PDXDC1: variants seen among roughly 807,000 people sequenced by gnomAD.
The protein encoded by PDXDC1 is pyridoxal-dependent decarboxylase domain-containing protein 1.
PDXDC1 carries 42 observed loss-of-function variants against 100.1 expected under a neutral mutation model. The ratio of observed to expected loss-of-function variants is 0.42; its 90% CI spans 0.33 to 0.54. The LOEUF is 0.54. Ranked by LOEUF, PDXDC1 falls within the 20% of genes least tolerant of loss-of-function variation. The pLI is 0.10. For missense variants in PDXDC1, 636 were observed against 979.2 expected, an observed-to-expected ratio of 0.65 and a Z score of 4.68; for synonymous variants, 260 against 371.7, an observed-to-expected ratio of 0.70 and a Z score of 3.46.
chr16:15,061,411 T>C (rs1300176628), intron 16 of PDXDC1: 1 of 279,922 alleles, frequency 3.6e-6, no homozygotes, highest in Non-Finnish European at 6.6e-6. Flanking sequence ...AACAGTCTGC[T>C]GCCTATATTA....
intron 16 of PDXDC1, chr16:15,130,360 A>G (rs2151913563): frequency 6.4e-7 from 1 of 1,564,168 alleles, no homozygotes. Context: ...AAGTACTGGC[A>G]CAGGGACGTG....
intron 14 of PDXDC1, among the ~76,000 whole-genome samples, chr16:15,026,931 G>C (rs1431403239): frequency 6.6e-6 from 1 of 152,282 alleles, no homozygotes; most frequent in Non-Finnish European, 1.5e-5. Context: ...CCAGTCCCTG[G>C]ACCAGTGCTG....
At chr16:15,038,533 G>A (rs141911550), downstream of PDXDC1, 225 of 1,089,262 alleles carry the variant, frequency 2.1e-4, no homozygotes, top group African/African-American at 3.3e-3. Flanking sequence ...GGGAAACCAG[G>A]GTGCAGAGAT....
At chr16:14,976,990 A>G (rs903191084) in intron 1 of PDXDC1, 1 of 152,286 alleles carries the variant, frequency 6.6e-6, no homozygotes, top group Admixed American at 6.5e-5. Context: ...TTATAGGAAA[A>G]TCTGCAGGGT....
At chr16:15,091,310 A>C in intron 16 of PDXDC1, 1 of 1,602,762 alleles carries the variant, frequency 6.2e-7, no homozygotes, top group Non-Finnish European at 8.5e-7. Context: ...CACAAAATTA[A>C]TTACCTTTAT....
At chr16:15,128,277 G>C (rs537489187) in intron 16 of PDXDC1, 4 of 1,610,852 alleles carry the variant, frequency 2.5e-6, no homozygotes, top group Non-Finnish European at 3.4e-6. Context: ...GCGGGGTGGC[G>C]ATCCGGAAGA....
chr16:14,987,837 C>G lies in PDXDC1; in HGVS notation c.22-9916C>G, dbSNP rs113186093. On this transcript the variant is annotated intron_variant, in intron 1 of 22. Transcript: ENST00000396410. ...ATGTTGGCCAGGCTGGTCTCAAGCACCTGGCCTCAGGTGATCCACCAACCT... is the reference window on the plus strand; with the variant it reads ...ATGTTGGCCAGGCTGGTCTCAAGCAGCTGGCCTCAGGTGATCCACCAACCT... 7.3e-3 allele frequency among the ~76,000 whole-genome samples: 1,112 copies of G among 152,346 alleles called. 17 individuals are homozygous for G. Among genetic ancestry groups the G allele is most frequent in the African/African-American group, 0.026 (1,062 of 41,550 alleles).
intron 16 of PDXDC1, among the ~76,000 whole-genome samples, chr16:15,076,980 C>G (rs1018416453): frequency 1.4e-5 from 2 of 143,916 alleles, no homozygotes; most frequent in African/African-American, 5.1e-5. Flanking sequence ...ACCCAAATCA[C>G]TTTTTTTTTT....
chr16:15,075,917 G>A (rs1225622197), intron 16 of PDXDC1, among the ~76,000 whole-genome samples: 1 of 152,010 alleles, frequency 6.6e-6, no homozygotes, highest in African/African-American at 2.4e-5. Flanking sequence ...AAGGAGCCAG[G>A]ACCACCCTTG....
intron 1 of PDXDC1, among the ~76,000 whole-genome samples, chr16:14,983,389 G>A (rs1433597307): frequency 6.6e-6 from 1 of 151,280 alleles, no homozygotes; most frequent in Non-Finnish European, 1.5e-5. Flanking sequence ...TGGCTAACAT[G>A]GTGAAACCCC....
At position 15,133,886 on chromosome 16, in the gene PDXDC1, G is replaced by T. The variant is rs1435308435; in HGVS notation, c.1400-4993G>T. On this transcript the variant is annotated intron_variant, in intron 16 of 16. Coordinates refer to the PDXDC1 transcript ENST00000535621. ...AGCCCCCCAGCGGCGGGCGGTTGGG[G>T]GACAGGGGGATGGAGGCGCAGCCCT... The T allele has an allele frequency of 2.0e-6, 3 of 1,508,216 alleles. No homozygotes were observed. The East Asian group carries it at 7.0e-5, about 35-fold the overall frequency. 93.4% of individuals were successfully genotyped at this position (1,508,216 alleles called of 1,614,324 possible).
chr16:15,062,391 T>C (rs1277117021), intron 16 of PDXDC1, among the ~76,000 whole-genome samples: 1 of 152,132 alleles, frequency 6.6e-6, no homozygotes, highest in Non-Finnish European at 1.5e-5. Flanking sequence ...AAGAAAAAGA[T>C]GAAAGGGGCT....
chr16:15,079,497 C>T (rs1245658253), intron 16 of PDXDC1, among the ~76,000 whole-genome samples: 7 of 152,154 alleles, frequency 4.6e-5, no homozygotes, highest in African/African-American at 1.2e-4. Context: ...ATGTATTTAA[C>T]GCCTTGTTCT....
chr16:15,034,190 T>G (rs573275663), intron 19 of PDXDC1, 96 bp from the exon 20 acceptor site: 1 of 1,026,152 alleles, frequency 9.7e-7, no homozygotes, highest in East Asian at 2.5e-5. Context: ...TTCATTGACC[T>G]GCTTTTGAAA....
At position 15,038,181 on chromosome 16, in the gene PDXDC1, T is replaced by TG; in HGVS notation, c.*1908dup. Reference sequence around the variant, plus strand: ...ATCTAATATGTTCAACAAAGTGGGGTGGCTCAGCCAGAGGCGAAGTGGAAA... The same window carrying TG: ...ATCTAATATGTTCAACAAAGTGGGGTGGGCTCAGCCAGAGGCGAAGTGGAAA... On this transcript the variant is annotated 3_prime_UTR_variant, in exon 23 of 23. Coordinates refer to ENST00000396410, the MANE Select transcript of PDXDC1 (RefSeq NM_015027.4). 6.2e-7 allele frequency: 1 copy of TG among 1,613,030 alleles called. No individual in the cohort carries two copies. Among genetic ancestry groups the TG allele is most frequent in the Non-Finnish European group, 8.5e-7 (1 of 1,179,702 alleles).
intron 13 of PDXDC1, among the ~76,000 whole-genome samples, chr16:15,024,309 T>A (rs1172159767): frequency 2.6e-5 from 4 of 152,258 alleles, no homozygotes; most frequent in South Asian, 2.1e-4. Flanking sequence ...ACTAAGTACC[T>A]TACATGAATT....
chr16:15,040,020 A>C (rs1233387729), downstream of PDXDC1: 2 of 1,612,334 alleles, frequency 1.2e-6, no homozygotes, highest in South Asian at 2.2e-5. Flanking sequence ...CCGGACCCCG[A>C]TCTTGAAAGG....
At chr16:15,016,937 T>C (rs1460610812) in intron 9 of PDXDC1, among the ~76,000 whole-genome samples, 183 bp from the exon 10 acceptor site, 1 of 152,286 alleles carries the variant, frequency 6.6e-6, no homozygotes, top group Non-Finnish European at 1.5e-5. Flanking sequence ...TTTATTAAAG[T>C]GCATTTTCAG....
chr16:15,136,348 G>A (rs535788581), intron 16 of PDXDC1, among the ~76,000 whole-genome samples: 3 of 152,270 alleles, frequency 2.0e-5, no homozygotes, highest in East Asian at 3.9e-4. Flanking sequence ...GCCACCTCCC[G>A]TATGGCGTGC....
Sources: allele counts gnomAD v4.1 joint callset (sites outside exome capture counted in the v4.1 genomes callset), GRCh38; gene constraint gnomAD v4.1.1; transcripts MANE v1.5; gene names NCBI Gene and HGNC (gene_info 2026-07-23, HGNC 2026-07-21).